Variants in INTS8 observed in about 807,000 individuals in gnomAD.
INTS8 encodes the protein integrator complex subunit 8.
INTS8 carries 47 observed loss-of-function variants against 138.9 expected under a neutral mutation model. That is an observed-to-expected ratio of 0.34 (90% CI 0.27 to 0.43). The LOEUF (loss-of-function observed/expected upper bound fraction) is 0.43. Ranked by LOEUF, INTS8 falls within the 20% of genes least tolerant of loss-of-function variation. The pLI, the probability that INTS8 is intolerant of heterozygous loss-of-function variation, is 1.00. For synonymous variants in INTS8, 392 were observed against 400.9 expected, an observed-to-expected ratio of 0.98 and a Z score of 0.27; for missense variants, 996 against 1,173.0, an observed-to-expected ratio of 0.85 and a Z score of 2.20.
intron 26 of INTS8, among the ~76,000 whole-genome samples, chr8:94,877,614 C>T (rs1395985158): frequency 6.6e-6 from 1 of 152,192 alleles, no homozygotes; most frequent in Non-Finnish European, 1.5e-5. Flanking sequence ...TGTTCCTCTA[C>T]ATGTGTCAAA....
At chr8:94,866,854 G>A (rs1319769958) in intron 18 of INTS8, 1 of 325,484 alleles carries the variant, frequency 3.1e-6, no homozygotes, top group East Asian at 5.4e-5. Flanking sequence ...TATTTTAAGG[G>A]ATAAAAAGTT....
In INTS8 at chr8:94,832,060, T is replaced by A; in HGVS notation, c.639T>A (p.Tyr213Ter). 6.2e-7 allele frequency: 1 copy of A among 1,613,684 alleles called. No individual in the cohort carries two copies. Among genetic ancestry groups the A allele is most frequent in the Non-Finnish European group, 8.5e-7 (1 of 1,179,828 alleles). The change falls in exon 6 of 27, where the codon TAT becomes TAA. Residue 213 changes from tyrosine to a stop codon, truncating the protein, a stop_gained. Coordinates refer to ENST00000523731, the MANE Select transcript of INTS8 (RefSeq NM_017864.4). LOFTEE classifies it high-confidence loss of function. The part of the protein sequence containing the change: ...EAALKLNKDL[Y>*]VHTMRTLDLL... ...CCCTAAAATTAAACAAGGATCTTTA[T>A]GTCCATACGATGAGAACTCTAGATT... is the stretch of plus-strand genomic sequence containing the variant.
chr8:94,839,954 A>G (rs1250613052), intron 8 of INTS8, among the ~76,000 whole-genome samples: 1 of 152,232 alleles, frequency 6.6e-6, no homozygotes, highest in East Asian at 1.9e-4. Context: ...ACCTGTGCCA[A>G]CAAGACCTTA....
At position 94,880,275 on chromosome 8, in the gene INTS8, C is replaced by A; in HGVS notation, c.*41C>A. The A allele has an allele frequency of 9.4e-7, 1 of 1,058,408 alleles. No homozygotes were observed. Among genetic ancestry groups the A allele is most frequent in the Non-Finnish European group, 1.4e-6 (1 of 701,488 alleles). 65.6% of individuals were successfully genotyped at this position (1,058,408 alleles called of 1,614,324 possible). A position where few individuals can be genotyped will look rare whatever the true frequency, so the allele number is the denominator to read the frequency against. ...TAACTTTTATTTTTTAAACAATGGGCTAAAAATAAACAGTATTAAAAGGTT... is the reference window on the plus strand; with the variant it reads ...TAACTTTTATTTTTTAAACAATGGGATAAAAATAAACAGTATTAAAAGGTT... On this transcript the variant is annotated 3_prime_UTR_variant, in exon 27 of 27. Transcript: ENST00000523731.
intron 20 of INTS8, among the ~76,000 whole-genome samples, chr8:94,871,392 C>G (rs1237382983): frequency 6.6e-6 from 1 of 151,578 alleles, no homozygotes; most frequent in Non-Finnish European, 1.5e-5. Flanking sequence ...GCAGAGGAAT[C>G]ACTTGAACCC....
intron 7 of INTS8, 22 bp from the exon 8 acceptor site, chr8:94,838,441 G>A (rs780157797): frequency 5.1e-6 from 8 of 1,580,358 alleles, no homozygotes; most frequent in Non-Finnish European, 6.1e-6. Flanking sequence ...ATGGATAATG[G>A]TGTATACCTC....
At chr8:94,839,397 C>T (rs1194472903) in intron 8 of INTS8, among the ~76,000 whole-genome samples, 1 of 152,180 alleles carries the variant, frequency 6.6e-6, no homozygotes, top group Non-Finnish European at 1.5e-5. Context: ...ATAAACAGTG[C>T]ATTCATTCAT....
chr8:94,848,170 C>T (rs1815400930), intron 10 of INTS8, among the ~76,000 whole-genome samples: 1 of 151,830 alleles, frequency 6.6e-6, no homozygotes, highest in Non-Finnish European at 1.5e-5. Flanking sequence ...TCACCATGCC[C>T]ACGTAATTTT....
chr8:94,859,527 A>G lies in INTS8; in HGVS notation c.1971A>G (p.Gln657=), dbSNP rs377719681. The change falls in exon 16 of 27, where the codon CAA becomes CAG. Residue 657 remains glutamine (Q), a synonymous_variant. Transcript: ENST00000523731. The part of the protein sequence containing the change: ...EMRLPDIPLR[Q]VIAEECVAFM... Reference sequence around the variant, plus strand: ...GCTTTTTAGATATTCCTCTTCGTCAAGTTATAGCTGAGGAATGTGTTGCCT... The same window carrying G: ...GCTTTTTAGATATTCCTCTTCGTCAGGTTATAGCTGAGGAATGTGTTGCCT... The G allele has an allele frequency of 1.5e-5, 25 of 1,613,364 alleles. 1 individual carries two copies. The African/African-American group carries it at 3.2e-4, about 21-fold the overall frequency.
Position 94,827,312 on chromosome 8 carries a change from A to C in INTS8, c.355A>C (p.Ser119Arg), listed in dbSNP as rs1210723173. 1 of 1,613,460 alleles carries C rather than the reference A, an allele frequency of 6.2e-7. No individual in the cohort carries two copies. The highest frequency in any genetic ancestry group is 8.5e-7 in the Non-Finnish European group (1 of 1,179,444). ...NMLLNELLCISKVPPGTKHVD... is the reference protein window; with the variant it reads ...NMLLNELLCIRKVPPGTKHVD... The stretch of plus-strand genomic sequence containing the variant: ...GCTACTAAATGAACTACTCTGCATC[A>C]GTAAAGTTCCTCCTGGGACAAAGCA... The change falls in exon 3 of 27, where the codon AGT becomes CGT. Residue 119 changes from serine to arginine, a missense_variant. By Grantham distance (110) the Ser-to-Arg change is moderately radical (BLOSUM62 -1). Coordinates refer to ENST00000523731, the MANE Select transcript of INTS8 (RefSeq NM_017864.4).
chr8:94,836,532 T>C lies in INTS8; in HGVS notation c.762T>C (p.Tyr254=), dbSNP rs1205062696. ...KTEEMQCQVC[Y]DLGAAYFQQG... ...GTTCATTATTATTTCAGGTGTGCTA[T>C]GATTTGGGCGCAGCATACTTCCAGC... is the stretch of plus-strand genomic sequence containing the variant. The change falls in exon 7 of 27, where the codon TAT becomes TAC. Residue 254 remains tyrosine, a synonymous_variant. Transcript: ENST00000523731. 10 of 1,613,264 alleles carry C rather than the reference T, an allele frequency of 6.2e-6. No individual in the cohort carries two copies. The highest frequency in any genetic ancestry group is 3.3e-5 in the South Asian group (3 of 90,874).
chr8:94,880,192 G>GA lies in INTS8; in HGVS notation c.2954dup (p.Phe986ValfsTer14). The stretch of plus-strand genomic sequence containing the variant: ...TGTTACAGCTGGCAGCGCAGAGAAG[G>GA]AAAAAAAAGTTTCTCCAAGCAATGG... On this transcript the variant is annotated frameshift_variant, in exon 27 of 27. Transcript: ENST00000523731. LOFTEE classifies it high-confidence loss of function. The GA allele has an allele frequency of 4.4e-6, 7 of 1,606,798 alleles. No individual in the cohort carries two copies. Among genetic ancestry groups the GA allele is most frequent in the South Asian group, 1.1e-5 (1 of 89,892 alleles).
At chr8:94,855,998 G>A (rs186586084) in intron 14 of INTS8, among the ~76,000 whole-genome samples, 1 of 152,292 alleles carries the variant, frequency 6.6e-6, no homozygotes, top group Admixed American at 6.5e-5. Context: ...AATTACCAAA[G>A]ATCACCCAGA....
intron 23 of INTS8, among the ~76,000 whole-genome samples, chr8:94,874,960 T>C (rs946396549): frequency 2.0e-5 from 3 of 152,128 alleles, no homozygotes; most frequent in African/African-American, 4.8e-5. Context: ...TAAAAACAAA[T>C]GTTGGTGAGG....
intron 12 of INTS8, 116 bp downstream of exon 12, chr8:94,850,207 T>C (rs1288322409): frequency 2.9e-6 from 2 of 685,708 alleles, no homozygotes; most frequent in Non-Finnish European, 4.8e-6. Flanking sequence ...GTGTTGGTAA[T>C]TAATAGAAAT....
chr8:94,831,754 A>G (rs946649075), intron 5 of INTS8, among the ~76,000 whole-genome samples: 1 of 152,306 alleles, frequency 6.6e-6, no homozygotes, highest in East Asian at 1.9e-4. Context: ...TGCTGGGATT[A>G]TAGGCGTGAG....
intron 12 of INTS8, 41 bp downstream of exon 12, chr8:94,850,132 T>C: frequency 7.2e-7 from 1 of 1,394,802 alleles, no homozygotes; most frequent in Non-Finnish European, 9.9e-7. Flanking sequence ...TGGCATGTTT[T>C]GCCCCTCTAT....
At chr8:94,825,292 C>T (rs553240095) in intron 2 of INTS8, among the ~76,000 whole-genome samples, 1 of 152,114 alleles carries the variant, frequency 6.6e-6, no homozygotes, top group Non-Finnish European at 1.5e-5. Flanking sequence ...TCTAGCCGGG[C>T]ATGGTGGCGG....
intron 16 of INTS8, 65 bp from the exon 17 acceptor site, chr8:94,865,441 A>G: frequency 7.6e-7 from 1 of 1,319,804 alleles, no homozygotes; most frequent in Non-Finnish European, 1.1e-6. Context: ...GTGTGCCTTG[A>G]TAATAGAACT....
Sources: allele counts gnomAD v4.1 joint callset (sites outside exome capture counted in the v4.1 genomes callset), GRCh38; gene constraint gnomAD v4.1.1; transcripts MANE v1.5; gene names NCBI Gene and HGNC (gene_info 2026-07-23, HGNC 2026-07-21).